Variants in CSMD1 observed in about 807,000 individuals in gnomAD.
CSMD1 encodes the protein CUB and Sushi multiple domains 1.
Under a neutral mutation model 417.5 loss-of-function variants are expected in CSMD1, and 213 were observed. That is an observed-to-expected ratio of 0.51 (90% confidence interval 0.46 to 0.57). The LOEUF is 0.57. CSMD1 is among the 20% of genes least tolerant of loss of function. The pLI is 0.00. For synonymous variants in CSMD1, 2,862 were observed against 1,736.8 expected, an observed-to-expected ratio of 1.65 and a Z score of -16.11; for missense variants, 6,923 against 4,529.7, an observed-to-expected ratio of 1.53 and a Z score of -15.17.
chr8:3,392,845 T>A (rs922436942), intron 17 of CSMD1, among the ~76,000 whole-genome samples: 2 of 152,034 alleles, frequency 1.3e-5, no homozygotes, highest in Admixed American at 1.3e-4. Context: ...AGCACTCATA[T>A]CTCTACACCA....
intron 5 of CSMD1, among the ~76,000 whole-genome samples, chr8:3,802,034 A>G (rs1800485104): frequency 6.6e-6 from 1 of 152,150 alleles, no homozygotes; most frequent in Non-Finnish European, 1.5e-5. Flanking sequence ...TGATGTAAGC[A>G]TACAAAAATT....
At chr8:3,287,775 C>T (rs1050925091) in intron 25 of CSMD1, among the ~76,000 whole-genome samples, 1 of 152,176 alleles carries the variant, frequency 6.6e-6, no homozygotes, top group Non-Finnish European at 1.5e-5. Context: ...TCCTCTTTTC[C>T]TAATTGAATA....
intron 1 of CSMD1, among the ~76,000 whole-genome samples, chr8:4,742,223 G>T (rs1162693829): frequency 1.3e-5 from 2 of 150,500 alleles, no homozygotes; most frequent in Non-Finnish European, 1.5e-5. Flanking sequence ...GTAGAGACGG[G>T]GTTTCACCTT....
chr8:4,844,078 G>C (rs1800994539), intron 1 of CSMD1, among the ~76,000 whole-genome samples: 1 of 152,090 alleles, frequency 6.6e-6, no homozygotes, highest in African/African-American at 2.4e-5. Context: ...CTATCTTTAG[G>C]GGAAAAATAA....
chr8:3,682,884 C>A (rs1799738667), intron 7 of CSMD1, among the ~76,000 whole-genome samples: 1 of 152,168 alleles, frequency 6.6e-6, no homozygotes, highest in South Asian at 2.1e-4. Context: ...GAGTTCATGT[C>A]ATTTGTAGAA....
chr8:4,443,978 G>A (rs1160949286), intron 2 of CSMD1, among the ~76,000 whole-genome samples: 1 of 152,116 alleles, frequency 6.6e-6, no homozygotes, highest in African/African-American at 2.4e-5. Context: ...GATATGAGGT[G>A]AAAATGTACA....
At chr8:4,925,769 AAAC>A (rs1270597676) in intron 1 of CSMD1, among the ~76,000 whole-genome samples, 1 of 152,016 alleles carries the variant, frequency 6.6e-6, no homozygotes, top group Non-Finnish European at 1.5e-5. Flanking sequence ...GGATGGTCTC[AAAC>A]TCCTGACCTC....
chr8:3,232,319 C>T (rs1585731000), intron 26 of CSMD1, among the ~76,000 whole-genome samples: 1 of 152,304 alleles, frequency 6.6e-6, no homozygotes, highest in African/African-American at 2.4e-5. Context: ...GTCTTAAATG[C>T]TTAACTGGAA....
chr8:4,921,070 G>C (rs1018470804), intron 1 of CSMD1, among the ~76,000 whole-genome samples: 15 of 139,440 alleles, frequency 1.1e-4, no homozygotes, highest in African/African-American at 4.0e-4. Context: ...AAAAGAAAGA[G>C]AAAGAAAAAG....
At chr8:3,187,089 A>G (rs1212920537) in intron 36 of CSMD1, among the ~76,000 whole-genome samples, 1 of 152,214 alleles carries the variant, frequency 6.6e-6, no homozygotes, top group Non-Finnish European at 1.5e-5. Flanking sequence ...GAAGTTCATA[A>G]CTGGCAAAGT....
chr8:4,463,396 T>C (rs1005528667), intron 2 of CSMD1, among the ~76,000 whole-genome samples: 1 of 152,210 alleles, frequency 6.6e-6, no homozygotes, highest in Non-Finnish European at 1.5e-5. Flanking sequence ...AACATTGCCA[T>C]ATGAACCAGC....
intron 3 of CSMD1, among the ~76,000 whole-genome samples, chr8:4,139,473 G>T (rs140559345): frequency 2.1e-5 from 3 of 144,452 alleles, no homozygotes; most frequent in Non-Finnish European, 2.9e-5. Context: ...GGACAGTCCA[G>T]TGAGGAAGGT....
intron 3 of CSMD1, among the ~76,000 whole-genome samples, chr8:4,204,561 C>T (rs901709301): frequency 6.6e-6 from 1 of 152,160 alleles, no homozygotes; most frequent in Non-Finnish European, 1.5e-5. Context: ...GACACCTTTT[C>T]TATACTGAGA....
At chr8:4,026,819 G>A (rs1328908524) in intron 4 of CSMD1, among the ~76,000 whole-genome samples, 1 of 152,162 alleles carries the variant, frequency 6.6e-6, no homozygotes, top group Admixed American at 6.5e-5. Context: ...ATGGCTGTAG[G>A]GAGATGACAG....
intron 55 of CSMD1, 117 bp from the exon 56 acceptor site, chr8:2,974,741 T>C (rs1804776152): frequency 1.7e-6 from 1 of 583,162 alleles, no homozygotes; most frequent in African/African-American, 1.9e-5. Flanking sequence ...AACACCTAAA[T>C]ATTCTGGTAC....
At chr8:3,452,799 C>G (rs1362171427) in intron 12 of CSMD1, among the ~76,000 whole-genome samples, 2 of 152,074 alleles carry the variant, frequency 1.3e-5, no homozygotes, top group Non-Finnish European at 2.9e-5. Context: ...GTGTCTCTGC[C>G]AGGCTTTGGT....
chr8:3,356,561 G>A (rs190870257), intron 21 of CSMD1, among the ~76,000 whole-genome samples: 94 of 152,302 alleles, frequency 6.2e-4, no homozygotes, highest in African/African-American at 2.2e-3. Context: ...TGTAGTCCCA[G>A]CAACTCGGGA....
intron 3 of CSMD1, among the ~76,000 whole-genome samples, chr8:4,130,030 T>C (rs1405575686): frequency 6.6e-6 from 1 of 152,214 alleles, no homozygotes; most frequent in Non-Finnish European, 1.5e-5. Flanking sequence ...AAGATTTTTA[T>C]GGCAGTCTGC....
chr8:4,107,433 T>C (rs748928235), intron 3 of CSMD1, among the ~76,000 whole-genome samples: 18 of 152,188 alleles, frequency 1.2e-4, no homozygotes, highest in Non-Finnish European at 2.2e-4. Flanking sequence ...ACACATCACA[T>C]TGGTACGGAT....
Sources: allele counts gnomAD v4.1 joint callset (sites outside exome capture counted in the v4.1 genomes callset), GRCh38; gene constraint gnomAD v4.1.1; transcripts MANE v1.5; gene names NCBI Gene and HGNC (gene_info 2026-07-23, HGNC 2026-07-21).